Variants in RAB9B observed in about 807,000 individuals in gnomAD.
RAB9B encodes the protein RAB9B, member RAS oncogene family.
RAB9B carries 1 observed loss-of-function variant against 8.9 expected under a neutral mutation model. That is an observed-to-expected ratio of 0.11 (90% confidence interval 0.04 to 0.53). The LOEUF is 0.53. RAB9B is among the 20% of genes least tolerant of loss of function. RAB9B has a pLI of 0.93. For synonymous variants in RAB9B, 63 were observed against 57.0 expected (o/e 1.10, Z -0.47); for missense variants, 82 against 152.9 (o/e 0.54, Z 2.45).
the RAB9B span, chrX:103,786,334 G>A: frequency 9.7e-7 from 1 of 1,032,642 alleles, no homozygotes; most frequent in African/African-American, 1.8e-5. Context: ...GAGGAACCTG[G>A]TGATTCCTCT....
At chrX:103,806,590 T>C in the RAB9B span, among the ~76,000 whole-genome samples, 4 of 112,237 alleles carry the variant, frequency 3.6e-5, no homozygotes, top group Non-Finnish European at 7.5e-5. Context: ...TAGAGTTTTC[T>C]GTAGATGCCT....
chrX:103,817,897 G>C (rs904196738), downstream of RAB9B, among the ~76,000 whole-genome samples: 11 of 110,996 alleles, frequency 9.9e-5, no homozygotes, highest in African/African-American at 3.6e-4. Flanking sequence ...AAGTAGTCTC[G>C]AGTATAATCA....
the RAB9B span, among the ~76,000 whole-genome samples, chrX:103,801,882 G>A: frequency 1.8e-5 from 2 of 111,032 alleles, no homozygotes; most frequent in Non-Finnish European, 3.8e-5. Flanking sequence ...TGTTGTCCTG[G>A]GAGAGGGGCA....
At chrX:103,779,663 C>G in the RAB9B span, among the ~76,000 whole-genome samples, 132 of 111,814 alleles carry the variant, frequency 1.2e-3, no homozygotes, top group Non-Finnish European at 2.0e-3. Context: ...TGGCTCTGAG[C>G]TAGGAAAGCC....
rs1370780446 is a variant in RAB9B at position 103,825,686 on chromosome X, G to A, written c.99C>T (p.Asp33=). 1 of 1,210,216 alleles carries A rather than the reference G, an allele frequency of 8.3e-7. No individual in the cohort carries two copies. The highest frequency in any genetic ancestry group is 2.2e-5 in the Admixed American group (1 of 45,976). The part of the protein sequence containing the change: ...LMNRYVTNKF[D]SQAFHTIGVE... ...CCCCTATGGTGTGAAAAGCCTGGGA[G>A]TCAAATTTGTTGGTTACGTAACGGT... Residue 33 remains aspartate (D), a synonymous_variant, in exon 3 of 3, where the codon GAC becomes GAT. Coordinates refer to ENST00000243298, the MANE Select transcript of RAB9B (RefSeq NM_016370.4).
rs1316985109 is a variant in RAB9B at position 103,823,343 on chromosome X, A to G, written c.*1836T>C. On this transcript the variant is annotated 3_prime_UTR_variant, in exon 3 of 3. Coordinates refer to ENST00000243298, the MANE Select transcript of RAB9B (RefSeq NM_016370.4). ...TTCTGGCGTCAAAGTTAATTGAACA[A>G]TGGTGTCAGGATTATATCTTAATTG... 1 of 111,804 alleles carries G rather than the reference A, an allele frequency of 8.9e-6. No homozygotes were observed. The highest frequency in any genetic ancestry group is 3.3e-5 in the African/African-American group (1 of 30,727). 9.2% of individuals were successfully genotyped at this position (111,804 alleles called of 1,213,427 possible).
At chrX:103,786,866 C>T in the RAB9B span, 2 of 654,244 alleles carry the variant, frequency 3.1e-6, no homozygotes, top group Non-Finnish European at 4.9e-6. Context: ...TGCAGCCGAA[C>T]GAGAAGGTCA....
the RAB9B span, chrX:103,776,713 GA>G: frequency 3.1e-6 from 1 of 324,292 alleles, no homozygotes; most frequent in South Asian, 1.2e-4. Context: ...GGCAGAAAGA[GA>G]AGATGGAGCC....
chrX:103,820,860 G>A (rs1483761378), downstream of RAB9B, among the ~76,000 whole-genome samples: 1 of 109,616 alleles, frequency 9.1e-6, no homozygotes, highest in African/African-American at 3.3e-5. Flanking sequence ...TGAGGCATGA[G>A]AATCGCTTGA....
the RAB9B span, among the ~76,000 whole-genome samples, chrX:103,810,368 T>G: frequency 8.9e-6 from 1 of 111,825 alleles, no homozygotes; most frequent in Non-Finnish European, 1.9e-5. Context: ...ACTACTGCCA[T>G]CTGGGCTTTG....
downstream of RAB9B, among the ~76,000 whole-genome samples, chrX:103,820,545 C>G (rs2074655279): frequency 8.9e-6 from 1 of 111,884 alleles, no homozygotes; most frequent in South Asian, 3.8e-4. Flanking sequence ...CAAACCATTT[C>G]CAAAAAATGA....
At chrX:103,801,174 A>T in the RAB9B span, among the ~76,000 whole-genome samples, 12 of 110,789 alleles carry the variant, frequency 1.1e-4, no homozygotes, top group Non-Finnish European at 1.5e-4. Context: ...GTTACCGTGG[A>T]CACTCATGAC....
chrX:103,821,732 G>T (rs1225462649), downstream of RAB9B, among the ~76,000 whole-genome samples: 4 of 111,089 alleles, frequency 3.6e-5, no homozygotes, highest in Non-Finnish European at 5.7e-5. Context: ...ATTTTTTGAT[G>T]GTTTAACATT....
intron 1 of RAB9B, among the ~76,000 whole-genome samples, chrX:103,830,478 G>C (rs500662): frequency 0.014 from 1,602 of 111,662 alleles, 35 homozygotes; most frequent in African/African-American, 0.05. Context: ...GGACCAAAAC[G>C]CTTATTCTGA....
the RAB9B span, among the ~76,000 whole-genome samples, chrX:103,796,847 CAAAAAAAAAAAAAAAA>C: frequency 2.5e-4 from 3 of 12,105 alleles, no homozygotes; most frequent in African/African-American, 5.0e-4. Flanking sequence ...ACCGCCTCTA[CAAAAAAAAAAAAAAAA>C]AAAAAAAAAA....
chrX:103,787,795 T>C, the RAB9B span: 3 of 1,206,388 alleles, frequency 2.5e-6, no homozygotes, highest in Non-Finnish European at 3.4e-6. Flanking sequence ...TCAATCATTT[T>C]AGTTTGTGGG....
chrX:103,825,748 A>G lies in RAB9B; in HGVS notation c.37T>C (p.Leu13=). ...GKSLLLKVIL[L]GDGGVGKSSL... is the part of the protein sequence containing the mutation. Reference sequence around the variant, plus strand: ...CTTTTCCCAACTCCACCATCACCCAAGAGAATGACCTTTAAGAGCAGGGAT... The same window carrying G: ...CTTTTCCCAACTCCACCATCACCCAGGAGAATGACCTTTAAGAGCAGGGAT... The change falls in exon 3 of 3, where the codon TTG becomes CTG. Residue 13 remains leucine, a synonymous_variant. Coordinates refer to ENST00000243298, the MANE Select transcript of RAB9B (RefSeq NM_016370.4). 8.3e-7 allele frequency: 1 copy of G among 1,201,730 alleles called. No individual in the cohort carries two copies. Among genetic ancestry groups the G allele is most frequent in the Non-Finnish European group, 1.1e-6 (1 of 889,857 alleles).
the RAB9B span, chrX:103,789,154 C>G: frequency 4.0e-6 from 2 of 495,075 alleles, no homozygotes; most frequent in Admixed American, 5.4e-5. Context: ...GGGCCAGGTG[C>G]TATGGTGTAC....
chrX:103,781,100 G>A, the RAB9B span: 1 of 218,842 alleles, frequency 4.6e-6, no homozygotes, highest in Admixed American at 5.4e-5. Context: ...GGTACAATTG[G>A]TCTCTTTCTA....
Sources: allele counts gnomAD v4.1 joint callset (sites outside exome capture counted in the v4.1 genomes callset), GRCh38; gene constraint gnomAD v4.1.1; transcripts MANE v1.5; gene names NCBI Gene and HGNC (gene_info 2026-07-23, HGNC 2026-07-21).